DNER: variants seen among roughly 807,000 people sequenced by gnomAD.
DNER encodes the protein delta/notch like EGF repeat containing.
In DNER, 33 loss-of-function variants were observed where a neutral mutation model predicts 78.2. The observed-to-expected ratio is 0.42, with a 90% confidence interval of 0.32 to 0.56. The LOEUF (loss-of-function observed/expected upper bound fraction) is 0.56. Among genes scored for constraint, DNER ranks in the 20% least tolerant of loss-of-function variants. The pLI, the probability that DNER is intolerant of heterozygous loss-of-function variation, is 0.11. For missense variants in DNER, 918 were observed against 975.3 expected, an observed-to-expected ratio of 0.94 and a Z score of 0.78; for synonymous variants, 417 against 384.8, an observed-to-expected ratio of 1.08 and a Z score of -0.98.
chr2:229,443,948 C>T (rs1694286673), intron 8 of DNER, among the ~76,000 whole-genome samples: 1 of 152,174 alleles, frequency 6.6e-6, no homozygotes, highest in Non-Finnish European at 1.5e-5. Context: ...GAAGAAACAT[C>T]CCCTCTGAAG....
chr2:229,370,081 G>C (rs1692446732), intron 11 of DNER, among the ~76,000 whole-genome samples: 2 of 152,162 alleles, frequency 1.3e-5, no homozygotes, highest in Non-Finnish European at 2.9e-5. Context: ...GTGGCCTCTG[G>C]ATACTCACAC....
intron 11 of DNER, among the ~76,000 whole-genome samples, chr2:229,387,891 G>GTTTT (rs869118536): frequency 3.5e-5 from 2 of 57,132 alleles, no homozygotes; most frequent in African/African-American, 8.6e-5. Flanking sequence ...GTGTGTGTGT[G>GTTTT]TTTTTTAATT....
intron 3 of DNER, chr2:229,586,809 G>T: frequency 1.0e-6 from 1 of 985,840 alleles, no homozygotes; most frequent in African/African-American, 1.7e-5. Flanking sequence ...ATTCTCCCCA[G>T]TGCTCCTGGA....
At chr2:229,522,831 T>C (rs1696128487) in intron 5 of DNER, among the ~76,000 whole-genome samples, 1 of 152,206 alleles carries the variant, frequency 6.6e-6, no homozygotes, top group Non-Finnish European at 1.5e-5. Flanking sequence ...AAGGAAGCCC[T>C]GCCATGTGCC....
chr2:229,595,284 A>ATT (rs11389038), intron 1 of DNER, among the ~76,000 whole-genome samples: 160 of 145,768 alleles, frequency 1.1e-3, no homozygotes, highest in African/African-American at 3.7e-3. Flanking sequence ...GTATTCACTA[A>ATT]TTTTTTTTTT....
At chr2:229,668,528 GTGTGTGTGTATATATATA>G (rs780264957) in intron 1 of DNER, among the ~76,000 whole-genome samples, 16,839 of 46,998 alleles carry the variant, frequency 0.36, 1,984 homozygotes, top group East Asian at 0.43. Flanking sequence ...GTGTGTGTGT[GTGTGTGTGTATATATATA>G]TATATATATA....
intron 10 of DNER, among the ~76,000 whole-genome samples, chr2:229,403,634 G>C (rs1693318237): frequency 1.3e-5 from 2 of 152,152 alleles, no homozygotes; most frequent in Admixed American, 6.5e-5. Flanking sequence ...AAAGCAGTTA[G>C]AGTGATGTTT....
chr2:229,668,571 T>C (rs551848337), intron 1 of DNER, among the ~76,000 whole-genome samples: 32 of 96,244 alleles, frequency 3.3e-4, no homozygotes, highest in African/African-American at 1.0e-3. Flanking sequence ...TATATATATA[T>C]ATATATATAA....
intron 1 of DNER, among the ~76,000 whole-genome samples, chr2:229,640,132 G>A (rs1698591288): frequency 6.6e-6 from 1 of 152,156 alleles, no homozygotes; most frequent in Non-Finnish European, 1.5e-5. Context: ...CCTTGAGGAG[G>A]CTAATTTAAA....
At chr2:229,478,898 G>T (rs1400290878) in intron 6 of DNER, among the ~76,000 whole-genome samples, 1 of 152,002 alleles carries the variant, frequency 6.6e-6, no homozygotes, top group Non-Finnish European at 1.5e-5. Flanking sequence ...TTGCTGCACA[G>T]ATCAACCCAT....
chr2:229,567,483 G>C (rs190496731), intron 4 of DNER, among the ~76,000 whole-genome samples: 4 of 152,200 alleles, frequency 2.6e-5, no homozygotes, highest in African/African-American at 9.6e-5. Flanking sequence ...AGACAAAGTG[G>C]CAGAGAGAAA....
chr2:229,523,090 G>A (rs1292989150), intron 5 of DNER, among the ~76,000 whole-genome samples: 1 of 152,190 alleles, frequency 6.6e-6, no homozygotes, highest in East Asian at 1.9e-4. Context: ...AGGTGATGAG[G>A]GGAGCATGAT....
chr2:229,531,683 C>T (rs927440773), intron 5 of DNER, among the ~76,000 whole-genome samples: 1 of 152,172 alleles, frequency 6.6e-6, no homozygotes, highest in Non-Finnish European at 1.5e-5. Context: ...GAACTGAAAA[C>T]AAGGACTTAA....
chr2:229,372,368 G>A (rs745712512), intron 11 of DNER, among the ~76,000 whole-genome samples: 3 of 152,354 alleles, frequency 2.0e-5, no homozygotes, highest in South Asian at 2.1e-4. Context: ...GAGCCCTTAC[G>A]GAGTTAGGTT....
chr2:229,684,142 A>ATG (rs1328839632), intron 1 of DNER, among the ~76,000 whole-genome samples: 2 of 61,326 alleles, frequency 3.3e-5, no homozygotes, highest in Non-Finnish European at 6.7e-5. Context: ...GTGTCTGTGT[A>ATG]TGTGAGAGAG....
intron 6 of DNER, among the ~76,000 whole-genome samples, chr2:229,497,114 A>C (rs1695517652): frequency 6.6e-6 from 1 of 152,244 alleles, no homozygotes; most frequent in Non-Finnish European, 1.5e-5. Context: ...TTCATATTAC[A>C]ATGATATGAA....
intron 4 of DNER, among the ~76,000 whole-genome samples, chr2:229,560,802 C>T (rs1175083432): frequency 6.6e-6 from 1 of 152,114 alleles, no homozygotes; most frequent in Admixed American, 6.6e-5. Context: ...ACTAACATAC[C>T]TCAGCTGTGT....
intron 4 of DNER, among the ~76,000 whole-genome samples, chr2:229,563,522 A>T (rs1697013602): frequency 6.9e-6 from 1 of 145,320 alleles, no homozygotes. Context: ...TCATCATCCC[A>T]TCACCATCAT....
At chr2:229,618,081 G>T (rs1387664671) in intron 1 of DNER, among the ~76,000 whole-genome samples, 1 of 152,180 alleles carries the variant, frequency 6.6e-6, no homozygotes. Context: ...CAAGAGGCAG[G>T]AGCTGTGCCC....
Sources: allele counts gnomAD v4.1 joint callset (sites outside exome capture counted in the v4.1 genomes callset), GRCh38; gene constraint gnomAD v4.1.1; transcripts MANE v1.5; gene names NCBI Gene and HGNC (gene_info 2026-07-23, HGNC 2026-07-21).